Variants in ADGRV1 observed in about 807,000 individuals in gnomAD.
ADGRV1 encodes G-protein coupled receptor 98.
A neutral mutation model predicts 596.2 loss-of-function variants in ADGRV1; 359 were observed. That is an observed-to-expected ratio of 0.60 (90% CI 0.55 to 0.66). The LOEUF is 0.66. Among genes scored for constraint, ADGRV1 ranks in the 30% least tolerant of loss-of-function variants. The pLI is 0.00. For synonymous variants in ADGRV1, 2,681 were observed against 2,679.2 expected (o/e 1.00, Z -0.02); for missense variants, 7,274 against 7,575.6 (o/e 0.96, Z 1.48).
chr5:90,855,564 C>CTGTAA (rs1332124353), intron 81 of ADGRV1, among the ~76,000 whole-genome samples, 177 bp from the exon 82 acceptor site: 1 of 152,172 alleles, frequency 6.6e-6, no homozygotes, highest in East Asian at 1.9e-4. Context: ...CCTGTGGAAT[C>CTGTAA]TGTCATGTCA....
intron 83 of ADGRV1, among the ~76,000 whole-genome samples, chr5:90,964,788 AAGAG>A (rs146609101): frequency 5.3e-5 from 8 of 151,050 alleles, no homozygotes; most frequent in African/African-American, 1.5e-4. Flanking sequence ...CTGGTTAAAA[AAGAG>A]AGAGAGAGAG....
chr5:91,096,622 G>T (rs1215518414), intron 86 of ADGRV1, among the ~76,000 whole-genome samples: 3 of 152,070 alleles, frequency 2.0e-5, no homozygotes, highest in Admixed American at 6.5e-5. Flanking sequence ...GTGATGATTT[G>T]ATTTTTTTTT....
At chr5:90,956,155 C>T (rs1777458795) in intron 83 of ADGRV1, among the ~76,000 whole-genome samples, 1 of 152,048 alleles carries the variant, frequency 6.6e-6, no homozygotes, top group African/African-American at 2.4e-5. Flanking sequence ...AAAATATTTT[C>T]AATTGATAAC....
intron 21 of ADGRV1, among the ~76,000 whole-genome samples, chr5:90,668,533 C>T: frequency 6.6e-6 from 1 of 152,084 alleles, no homozygotes; most frequent in East Asian, 1.9e-4. Context: ...TGAGATGAAC[C>T]TGGTACCTCT....
chr5:91,007,522 C>T (rs58523233), intron 85 of ADGRV1, among the ~76,000 whole-genome samples: 32,012 of 151,928 alleles, frequency 0.21, 3,550 homozygotes, highest in East Asian at 0.35. Flanking sequence ...TCCTTATATC[C>T]TCAGAACAGA....
intron 87 of ADGRV1, among the ~76,000 whole-genome samples, chr5:91,102,548 T>G (rs956986695): frequency 6.6e-6 from 1 of 152,226 alleles, no homozygotes; most frequent in African/African-American, 2.4e-5. Context: ...ATTATACAAT[T>G]AGGGAAGACA....
At chr5:90,851,629 G>T (rs7729597) in intron 79 of ADGRV1, among the ~76,000 whole-genome samples, 1 of 152,084 alleles carries the variant, frequency 6.6e-6, no homozygotes, top group African/African-American at 2.4e-5. Flanking sequence ...GTGAATTTGC[G>T]GTGGTGCCAA....
Position 90,848,738 on chromosome 5 carries a change from G to A in ADGRV1, c.17121G>A (p.Arg5707=). The A allele has an allele frequency of 1.3e-6, 2 of 1,591,082 alleles. No individual in the cohort carries two copies. Among genetic ancestry groups the A allele is most frequent in the Non-Finnish European group, 1.7e-6 (2 of 1,170,940 alleles). The change falls in exon 79 of 90, where the codon AGG becomes AGA. Residue 5707 remains arginine, a synonymous_variant. Coordinates refer to ENST00000405460, the MANE Select transcript of ADGRV1 (RefSeq NM_032119.4). ...SLINPKRKDT[R]GFSHFAEVTE... is the part of the protein sequence containing the mutation. ...TTAACCCAAAGCGCAAGGACACTAGGGGATTCAGTCACTTTGCTGAAGTGA... is the reference window on the plus strand; with the variant it reads ...TTAACCCAAAGCGCAAGGACACTAGAGGATTCAGTCACTTTGCTGAAGTGA...
At chr5:90,766,002 C>T (rs1291641111) in intron 59 of ADGRV1, among the ~76,000 whole-genome samples, 8 of 152,020 alleles carry the variant, frequency 5.3e-5, no homozygotes, top group Admixed American at 2.0e-4. Flanking sequence ...CTCCACCTCC[C>T]GGGTTTACGC....
intron 80 of ADGRV1, 38 bp downstream of exon 80, chr5:90,853,571 T>C (rs375701685): frequency 1.9e-6 from 3 of 1,579,038 alleles, no homozygotes; most frequent in East Asian, 4.5e-5. Context: ...GGTTGGAATC[T>C]GATTTATTTC....
At chr5:90,800,651 A>G (rs1761261036) in intron 70 of ADGRV1, among the ~76,000 whole-genome samples, 1 of 152,226 alleles carries the variant, frequency 6.6e-6, no homozygotes, top group Non-Finnish European at 1.5e-5. Flanking sequence ...ACTATTCACA[A>G]TAGCAAAGGC....
chr5:91,067,689 G>C (rs544155753), intron 85 of ADGRV1, among the ~76,000 whole-genome samples: 1 of 152,120 alleles, frequency 6.6e-6, no homozygotes, highest in African/African-American at 2.4e-5. Context: ...CTATTTTGCT[G>C]TCCCAAATTG....
intron 83 of ADGRV1, among the ~76,000 whole-genome samples, chr5:90,896,293 C>T (rs1771314717): frequency 1.2e-5 from 1 of 80,828 alleles, no homozygotes; most frequent in African/African-American, 4.6e-5. Flanking sequence ...TTTTTTGAGA[C>T]AGAGTCTTGC....
chr5:90,747,192 C>A (rs1439375182), intron 52 of ADGRV1, among the ~76,000 whole-genome samples: 1 of 152,074 alleles, frequency 6.6e-6, no homozygotes, highest in Admixed American at 6.6e-5. Flanking sequence ...GGGGTAGGAA[C>A]ATTTAAAGCA....
chr5:90,786,841 A>G (rs1759503916), intron 67 of ADGRV1, among the ~76,000 whole-genome samples: 1 of 152,154 alleles, frequency 6.6e-6, no homozygotes, highest in Non-Finnish European at 1.5e-5. Context: ...CTGAGATACT[A>G]CTGACATCCC....
Position 90,642,980 on chromosome 5 carries a change from T to G in ADGRV1, c.2492T>G (p.Phe831Cys). ...TATGGAAACACGGGAGTACTAGAAT[T>G]TAAACCTGGAGAAAGGGAGATAGTG... ...EFYGNTGVLE[F>C]KPGEREIVIT... Residue 831 changes from phenylalanine to cysteine, a missense_variant, in exon 13 of 90, where the codon TTT (phenylalanine) becomes TGT (cysteine). Physicochemically the swap from Phe to Cys is radical, Grantham distance 205 (BLOSUM62 -2). Coordinates refer to ENST00000405460, the MANE Select transcript of ADGRV1 (RefSeq NM_032119.4). 1 of 1,613,668 alleles carries G rather than the reference T, an allele frequency of 6.2e-7. No individual in the cohort carries two copies. The highest frequency in any genetic ancestry group is 8.5e-7 in the Non-Finnish European group (1 of 1,179,634).
intron 82 of ADGRV1, among the ~76,000 whole-genome samples, chr5:90,857,061 C>T (rs1284731634): frequency 6.6e-6 from 1 of 151,944 alleles, no homozygotes; most frequent in African/African-American, 2.4e-5. Flanking sequence ...TATAAATTTT[C>T]TTTAATGTAT....
chr5:90,999,032 C>G (rs549356101), intron 85 of ADGRV1, among the ~76,000 whole-genome samples: 1 of 151,824 alleles, frequency 6.6e-6, no homozygotes, highest in African/African-American at 2.4e-5. Flanking sequence ...TGTTCATCTC[C>G]CTACATTAAT....
intron 1 of ADGRV1, among the ~76,000 whole-genome samples, chr5:90,597,628 T>C (rs1285431638): frequency 1.3e-5 from 2 of 151,914 alleles, no homozygotes; most frequent in Non-Finnish European, 2.9e-5. Flanking sequence ...AGGAGGGAGT[T>C]GAAGTGGAAG....
Sources: allele counts gnomAD v4.1 joint callset (sites outside exome capture counted in the v4.1 genomes callset), GRCh38; gene constraint gnomAD v4.1.1; transcripts MANE v1.5; gene names NCBI Gene and HGNC (gene_info 2026-07-23, HGNC 2026-07-21).